TSGA10: variants seen among roughly 807,000 people sequenced by gnomAD.
TSGA10 encodes the protein testis-specific gene 10 protein.
TSGA10 carries 43 observed loss-of-function variants against 96.6 expected under a neutral mutation model. That is an observed-to-expected ratio of 0.44 (90% CI 0.35 to 0.57). The LOEUF is 0.57. TSGA10 is among the 20% of genes least tolerant of loss of function. The pLI, the probability that TSGA10 is intolerant of heterozygous loss-of-function variation, is 0.01. For synonymous variants in TSGA10, 229 were observed against 269.9 expected (o/e 0.85, Z 1.48); for missense variants, 703 against 834.4 (o/e 0.84, Z 1.94).
chr2:99,079,921 T>A (rs1019396694), intron 11 of TSGA10, among the ~76,000 whole-genome samples: 9 of 152,192 alleles, frequency 5.9e-5, no homozygotes. Flanking sequence ...ACCATGTCTC[T>A]TTTTGCAGGC....
chr2:99,132,201 C>A (rs1289257203), intron 1 of TSGA10, among the ~76,000 whole-genome samples: 1 of 152,048 alleles, frequency 6.6e-6, no homozygotes, highest in South Asian at 2.1e-4. Flanking sequence ...AGGAATGGTA[C>A]CAGCTCCTCT....
chr2:99,079,342 G>T (rs1250328651), intron 11 of TSGA10, among the ~76,000 whole-genome samples: 3 of 152,204 alleles, frequency 2.0e-5, no homozygotes, highest in Non-Finnish European at 4.4e-5. Flanking sequence ...ATCCCAGGAA[G>T]TATGATTCAA....
At position 99,078,708 on chromosome 2, in the gene TSGA10, T is replaced by C. The variant is rs772516162; in HGVS notation, c.833A>G (p.Asp278Gly). 2.3e-5 allele frequency: 37 copies of C among 1,613,734 alleles called. No individual in the cohort carries two copies. The highest frequency in any genetic ancestry group is 3.0e-5 in the Non-Finnish European group (35 of 1,179,920). The change falls in exon 12 of 21, where the codon GAT becomes GGT. Residue 278 changes from aspartate to glycine, a missense_variant. By Grantham distance (94) the Asp-to-Gly change is moderately conservative. Transcript: ENST00000393483. ...KEKECLQACLDKKSENIASLG... is the reference protein window; with the variant it reads ...KEKECLQACLGKKSENIASLG... ...GGATGCAATATTCTCAGATTTTTTATCCAAACATGCTTGCAGGCATTCCTT... is the reference window on the plus strand; with the variant it reads ...GGATGCAATATTCTCAGATTTTTTACCCAAACATGCTTGCAGGCATTCCTT...
rs1278205590 is a variant in TSGA10 at position 99,154,073 on chromosome 2, A to G, written c.-621+620T>C. On this transcript the variant is annotated intron_variant, in intron 1 of 20. Transcript: ENST00000393483. ...TGGCTGAGGCGCTGCTTCCAAGATT[A>G]GGCCTGAATTGAGATGCCCTAGCAG... is the stretch of plus-strand genomic sequence containing the variant. 5.3e-5 allele frequency among the ~76,000 whole-genome samples: 8 copies of G among 152,170 alleles called. No individual in the cohort carries two copies. In the East Asian group the frequency reaches 1.5e-3, roughly 29 times the overall value.
At chr2:99,094,122 G>C (rs375998781) in intron 10 of TSGA10, among the ~76,000 whole-genome samples, 1 of 152,058 alleles carries the variant, frequency 6.6e-6, no homozygotes, top group Non-Finnish European at 1.5e-5. Flanking sequence ...ACTGATCTTC[G>C]ACAAAGCAAA....
At chr2:99,140,942 AGCC>A in intron 1 of TSGA10, 2 of 475,534 alleles carry the variant, frequency 4.2e-6, no homozygotes, top group South Asian at 4.6e-5. Context: ...TGCCCCTCAC[AGCC>A]GCTCCCGCTG....
At chr2:99,043,112 T>A (rs2082365924) in intron 16 of TSGA10, among the ~76,000 whole-genome samples, 1 of 152,048 alleles carries the variant, frequency 6.6e-6, no homozygotes, top group African/African-American at 2.4e-5. Context: ...GACCTAATGA[T>A]GCATGGTTAA....
intron 12 of TSGA10, among the ~76,000 whole-genome samples, chr2:99,076,850 C>A (rs1249809136): frequency 1.3e-5 from 2 of 152,058 alleles, no homozygotes; most frequent in Non-Finnish European, 2.9e-5. Context: ...TGACTACTAT[C>A]TAGTCATTCA....
chr2:99,059,078 T>A (rs1019651351), intron 16 of TSGA10, among the ~76,000 whole-genome samples: 4 of 140,588 alleles, frequency 2.8e-5, no homozygotes, highest in South Asian at 2.2e-4. Flanking sequence ...ATTTATATAT[T>A]TTTATATATA....
intron 10 of TSGA10, among the ~76,000 whole-genome samples, chr2:99,098,019 G>A (rs1236422941): frequency 1.3e-5 from 2 of 151,934 alleles, no homozygotes; most frequent in African/African-American, 4.8e-5. Context: ...AATATATAAT[G>A]AAAAAATTGA....
At chr2:99,053,845 A>C (rs2083680027) in intron 16 of TSGA10, among the ~76,000 whole-genome samples, 1 of 152,144 alleles carries the variant, frequency 6.6e-6, no homozygotes, top group Admixed American at 6.6e-5. Flanking sequence ...CTATATGTTC[A>C]CCGAAAACTA....
intron 10 of TSGA10, among the ~76,000 whole-genome samples, chr2:99,090,394 C>G (rs1284553860): frequency 6.6e-6 from 1 of 152,124 alleles, no homozygotes; most frequent in Admixed American, 6.5e-5. Context: ...AGCTCACCAG[C>G]AATGGATCCA....
chr2:99,058,664 C>T (rs1244507059), intron 16 of TSGA10, among the ~76,000 whole-genome samples: 1 of 152,056 alleles, frequency 6.6e-6, no homozygotes, highest in Non-Finnish European at 1.5e-5. Context: ...AAAGTAAGAA[C>T]AAATTTGCCT....
At chr2:99,148,983 G>GA (rs910240951) in intron 1 of TSGA10, among the ~76,000 whole-genome samples, 11 of 151,282 alleles carry the variant, frequency 7.3e-5, no homozygotes, top group African/African-American at 2.7e-4. Context: ...ATATAGACTG[G>GA]AAAAAAAATA....
chr2:99,004,801 C>T (rs531493682), intron 20 of TSGA10, among the ~76,000 whole-genome samples: 5 of 152,308 alleles, frequency 3.3e-5, no homozygotes, highest in South Asian at 4.1e-4. Flanking sequence ...ATGAGGCCAG[C>T]ATCATCCTGA....
chr2:99,148,583 A>C (rs1399708155), intron 1 of TSGA10, among the ~76,000 whole-genome samples: 1 of 152,244 alleles, frequency 6.6e-6, no homozygotes, highest in African/African-American at 2.4e-5. Flanking sequence ...GATTCTTTAG[A>C]AATGTTCAGT....
At chr2:99,120,488 C>G (rs1397809857) in intron 2 of TSGA10, among the ~76,000 whole-genome samples, 3 of 152,116 alleles carry the variant, frequency 2.0e-5, no homozygotes, top group Admixed American at 2.0e-4. Context: ...TCTTGAGTTT[C>G]TTCTGTTAAA....
intron 16 of TSGA10, among the ~76,000 whole-genome samples, chr2:99,044,968 T>A (rs935467243): frequency 5.3e-5 from 8 of 152,144 alleles, no homozygotes; most frequent in Admixed American, 2.0e-4. Flanking sequence ...AATAAAGATG[T>A]TCTTGGAAAC....
intron 1 of TSGA10, chr2:99,150,443 T>A: frequency 8.6e-7 from 1 of 1,165,618 alleles, no homozygotes. Context: ...TTAGGGAAAT[T>A]CCTGCTGCAT....
Sources: gnomAD v4.1 joint callset for allele counts (sites outside exome capture counted in the v4.1 genomes callset) on GRCh38, gnomAD v4.1.1 for gene constraint, MANE v1.5 for transcripts, NCBI Gene and HGNC (gene_info 2026-07-23, HGNC 2026-07-21) for gene names.